The following OVCH1 variants were observed in gnomAD, a reference collection of about 807,000 sequenced individuals.
OVCH1 encodes ovochymase 1, also known as ovochymase-1.
In OVCH1, 139 loss-of-function variants were observed where a neutral mutation model predicts 138.4. That is an observed-to-expected ratio of 1.00 (90% CI 0.87 to 1.16). The LOEUF is 1.16. Ranked by LOEUF, OVCH1 falls within the 50% of genes most tolerant of loss-of-function variation. The pLI is 0.00. For missense variants in OVCH1, 1,367 were observed against 1,357.9 expected, an observed-to-expected ratio of 1.01 and a Z score of -0.11; for synonymous variants, 453 against 467.8, an observed-to-expected ratio of 0.97 and a Z score of 0.41.
At chr12:29,466,252 AT>A (rs1434925766) in intron 16 of OVCH1, among the ~76,000 whole-genome samples, 3 of 152,044 alleles carry the variant, frequency 2.0e-5, no homozygotes, top group Non-Finnish European at 4.4e-5. Context: ...ATAATAAAAA[AT>A]ATATACAAAA....
intron 3 of OVCH1, among the ~76,000 whole-genome samples, chr12:29,417,749 C>T (rs1941049727): frequency 6.7e-6 from 1 of 148,466 alleles, no homozygotes; most frequent in East Asian, 2.0e-4. Context: ...CAAAATGCAA[C>T]CTGGCCTACA....
At chr12:29,473,776 G>T (rs1325325317) in intron 14 of OVCH1, among the ~76,000 whole-genome samples, 3 of 152,046 alleles carry the variant, frequency 2.0e-5, no homozygotes, top group Non-Finnish European at 2.9e-5. Context: ...GTTGCCAAAA[G>T]AATTTAACAT....
intron 22 of OVCH1, among the ~76,000 whole-genome samples, chr12:29,445,742 C>T (rs1376797915): frequency 1.3e-5 from 2 of 152,020 alleles, no homozygotes; most frequent in Non-Finnish European, 2.9e-5. Context: ...ATTAAAAATA[C>T]CTCACCATGA....
intron 14 of OVCH1, among the ~76,000 whole-genome samples, chr12:29,474,740 A>G (rs1176657590): frequency 1.3e-5 from 2 of 152,148 alleles, no homozygotes; most frequent in Admixed American, 6.6e-5. Flanking sequence ...AACTTGGTAA[A>G]ATAGAGTCAG....
At chr12:29,426,863 G>A (rs561463008), downstream of OVCH1, among the ~76,000 whole-genome samples, 1 of 152,130 alleles carries the variant, frequency 6.6e-6, no homozygotes, top group African/African-American at 2.4e-5. Flanking sequence ...GTAGTCACTC[G>A]CTACATGTAG....
intron 13 of OVCH1, among the ~76,000 whole-genome samples, chr12:29,475,730 G>A (rs1349294700): frequency 2.6e-5 from 4 of 152,164 alleles, no homozygotes; most frequent in African/African-American, 9.7e-5. Flanking sequence ...TGAAAAAGTG[G>A]TTAGAGGGCT....
chr12:29,402,762 G>C, the OVCH1 span, among the ~76,000 whole-genome samples: 1 of 151,838 alleles, frequency 6.6e-6, no homozygotes, highest in Non-Finnish European at 1.5e-5. Context: ...TTGAAAGAGT[G>C]TAAGAAGTCC....
chr12:29,440,855 A>G, intron 25 of OVCH1, 111 bp from the exon 26 acceptor site: 1 of 436,716 alleles, frequency 2.3e-6, no homozygotes, highest in Non-Finnish European at 4.6e-6. Flanking sequence ...CCACTCTGAG[A>G]GGACCCTACC....
intron 22 of OVCH1, among the ~76,000 whole-genome samples, chr12:29,447,511 G>T (rs61918680): frequency 2.0e-4 from 30 of 151,942 alleles, no homozygotes; most frequent in Admixed American, 1.4e-3. Flanking sequence ...AAAAGAAAAC[G>T]GTCCGAGTCC....
At position 29,461,631 on chromosome 12, in the gene OVCH1, C is replaced by T. The variant is rs963165212; in HGVS notation, c.2280+223G>A. The stretch of plus-strand genomic sequence containing the variant: ...CTCACCAGCTCCTCTATGAACCCAC[C>T]GGCCTTTGTCGCTGTACAGCTGCTT... On this transcript the variant is annotated intron_variant, in intron 19 of 27. Coordinates refer to ENST00000318184, the Ensembl canonical transcript of OVCH1. The T allele has an allele frequency of 2.3e-5, 14 of 599,468 alleles. 1 individual carries two copies. Among genetic ancestry groups the T allele is most frequent in the South Asian group, 1.1e-4 (6 of 56,736 alleles). 37.1% of individuals were successfully genotyped at this position (599,468 alleles called of 1,614,324 possible).
At chr12:29,427,921 C>T (rs1187496175) in intron 27 of OVCH1, among the ~76,000 whole-genome samples, 2 of 152,106 alleles carry the variant, frequency 1.3e-5, no homozygotes, top group Non-Finnish European at 2.9e-5. Context: ...TCATTTGACA[C>T]CTCTGAAATT....
the OVCH1 span, among the ~76,000 whole-genome samples, chr12:29,405,938 C>G: frequency 6.6e-6 from 1 of 152,148 alleles, no homozygotes; most frequent in African/African-American, 2.4e-5. Flanking sequence ...CTCAGTTGTA[C>G]AATACAGTAG....
At chr12:29,434,478 C>T (rs940741244) in intron 26 of OVCH1, among the ~76,000 whole-genome samples, 8 of 151,814 alleles carry the variant, frequency 5.3e-5, no homozygotes, top group Non-Finnish European at 8.8e-5. Flanking sequence ...TTTACTTATT[C>T]GATAACAAAA....
rs1015501041 is a variant in OVCH1 at position 29,476,086 on chromosome 12, T to A, written c.1471+120A>T. 13 of 803,510 alleles carry A rather than the reference T, an allele frequency of 1.6e-5. No individual in the cohort carries two copies. The Admixed American group carries it at 1.8e-4, about 11-fold the overall frequency. 49.8% of individuals were successfully genotyped at this position (803,510 alleles called of 1,614,324 possible). ...AGCTAAAGTTGTATGGCATTCTGAG[T>A]TTCCAAAGCAAGAAATTCACATTCC... On this transcript the variant is annotated intron_variant, in intron 13 of 27. Transcript: ENST00000318184.
intron 4 of OVCH1, 73 bp from the exon 5 acceptor site, chr12:29,491,265 T>C: frequency 8.1e-7 from 1 of 1,238,004 alleles, no homozygotes; most frequent in East Asian, 2.4e-5. Context: ...AAGTGAAATC[T>C]CTTGATTTCA....
intron 16 of OVCH1, among the ~76,000 whole-genome samples, chr12:29,466,440 C>T (rs1290651140): frequency 7.0e-6 from 1 of 142,138 alleles, no homozygotes; most frequent in Admixed American, 6.7e-5. Context: ...TACTGTTCAA[C>T]ATTGCCGAAT....
chr12:29,473,309 TC>T (rs1942580681), intron 14 of OVCH1, among the ~76,000 whole-genome samples: 1 of 152,178 alleles, frequency 6.6e-6, no homozygotes, highest in Non-Finnish European at 1.5e-5. Context: ...AAGCACTTCT[TC>T]CTTCCTTGGT....
At chr12:29,406,496 C>T in the OVCH1 span, among the ~76,000 whole-genome samples, 2 of 144,600 alleles carry the variant, frequency 1.4e-5, no homozygotes, top group Non-Finnish European at 3.1e-5. Context: ...TGATGTTCCC[C>T]TTCCTGTGTC....
intron 8 of OVCH1, among the ~76,000 whole-genome samples, chr12:29,481,452 C>G (rs1050090826): frequency 1.3e-5 from 2 of 152,094 alleles, no homozygotes; most frequent in Non-Finnish European, 2.9e-5. Flanking sequence ...TCCCTATAAA[C>G]TATTTATATC....
Sources: gnomAD v4.1 joint callset for allele counts (sites outside exome capture counted in the v4.1 genomes callset) on GRCh38, gnomAD v4.1.1 for gene constraint, MANE v1.5 for transcripts, NCBI Gene and HGNC (gene_info 2026-07-23, HGNC 2026-07-21) for gene names.